Variants in PRDM16 observed in about 807,000 individuals in gnomAD.
The protein encoded by PRDM16 is histone-lysine N-methyltransferase PRDM16.
Under a neutral mutation model 110.6 loss-of-function variants are expected in PRDM16, and 23 were observed. The observed-to-expected ratio is 0.21, with a 90% CI of 0.15 to 0.29. PRDM16 has a LOEUF of 0.29. Ranked by LOEUF, PRDM16 falls within the 10% of genes least tolerant of loss-of-function variation. The pLI is 1.00. For missense variants in PRDM16, 1,615 were observed against 1,794.3 expected (o/e 0.90, Z 1.81); for synonymous variants, 799 against 781.8 (o/e 1.02, Z -0.37).
At chr1:3,149,243 G>A (rs780253287) in intron 1 of PRDM16, among the ~76,000 whole-genome samples, 1 of 152,164 alleles carries the variant, frequency 6.6e-6, no homozygotes, top group Non-Finnish European at 1.5e-5. Context: ...GGAGAACACG[G>A]GTGAGAATGA....
chr1:3,258,941 C>T (rs192654508), intron 3 of PRDM16, among the ~76,000 whole-genome samples: 1 of 152,294 alleles, frequency 6.6e-6, no homozygotes, highest in East Asian at 1.9e-4. Context: ...CTGGGCACCC[C>T]AGAGAGCTGC....
At chr1:3,174,474 G>A (rs1203626069) in intron 1 of PRDM16, among the ~76,000 whole-genome samples, 1 of 152,172 alleles carries the variant, frequency 6.6e-6, no homozygotes, top group Non-Finnish European at 1.5e-5. Flanking sequence ...CCCTGAGTCA[G>A]AAGGGCAGGG....
chr1:3,129,357 G>T (rs548660412), intron 1 of PRDM16, among the ~76,000 whole-genome samples: 1 of 141,652 alleles, frequency 7.1e-6, no homozygotes, highest in Admixed American at 6.9e-5. Context: ...GTGTGTGTGC[G>T]CACGTGGGTG....
intron 1 of PRDM16, among the ~76,000 whole-genome samples, chr1:3,076,029 C>T (rs1641890944): frequency 6.6e-6 from 1 of 152,200 alleles, no homozygotes; most frequent in Non-Finnish European, 1.5e-5. Context: ...TGTGCAGAAC[C>T]AGGAGCAGCC....
intron 1 of PRDM16, among the ~76,000 whole-genome samples, chr1:3,139,466 C>T (rs555507572): frequency 4.6e-5 from 7 of 152,344 alleles, no homozygotes; most frequent in African/African-American, 9.6e-5. Flanking sequence ...GGAGAGCAGA[C>T]GACAGAGCTG....
chr1:3,104,787 CCA>C (rs1642613584), intron 1 of PRDM16, among the ~76,000 whole-genome samples: 1 of 152,146 alleles, frequency 6.6e-6, no homozygotes, highest in Non-Finnish European at 1.5e-5. Flanking sequence ...GCCACCCCGC[CCA>C]CAGACATGGA....
At chr1:3,137,119 A>G (rs1036725231) in intron 1 of PRDM16, among the ~76,000 whole-genome samples, 3 of 152,196 alleles carry the variant, frequency 2.0e-5, no homozygotes, top group African/African-American at 7.2e-5. Context: ...GTGGGAGTCC[A>G]GGCCCAGCCT....
intron 3 of PRDM16, among the ~76,000 whole-genome samples, chr1:3,319,407 C>T (rs951427705): frequency 1.7e-4 from 26 of 152,180 alleles, no homozygotes; most frequent in Admixed American, 1.6e-3. Context: ...CCACCATGAG[C>T]GGGTCAGTGT....
intron 3 of PRDM16, among the ~76,000 whole-genome samples, chr1:3,295,050 C>T (rs1018055580): frequency 1.3e-5 from 2 of 152,186 alleles, no homozygotes; most frequent in African/African-American, 2.4e-5. Context: ...GGGCTTTCTT[C>T]GAGGTGCTCT....
intron 3 of PRDM16, among the ~76,000 whole-genome samples, chr1:3,346,105 G>A (rs563248864): frequency 1.4e-4 from 21 of 152,382 alleles, no homozygotes; most frequent in African/African-American, 2.2e-4. Flanking sequence ...GCAAGGCTGC[G>A]CTGAGCTGAG....
intron 1 of PRDM16, among the ~76,000 whole-genome samples, chr1:3,159,111 G>C (rs557727554): frequency 6.6e-5 from 10 of 152,188 alleles, no homozygotes; most frequent in Non-Finnish European, 1.3e-4. Flanking sequence ...GCCCCTGATC[G>C]GTATTCCGCC....
At chr1:3,408,747 T>C (rs1033328201) in intron 8 of PRDM16, among the ~76,000 whole-genome samples, 4 of 148,712 alleles carry the variant, frequency 2.7e-5, no homozygotes, top group Non-Finnish European at 4.5e-5. Flanking sequence ...AGCCGGTGCA[T>C]GTGTTGGCAC....
chr1:3,305,556 G>C (rs1641294428), intron 3 of PRDM16, among the ~76,000 whole-genome samples: 1 of 152,232 alleles, frequency 6.6e-6, no homozygotes, highest in Non-Finnish European at 1.5e-5. Context: ...TAATGATGTT[G>C]GCTGAAACTT....
chr1:3,233,384 G>A (rs561974356), intron 2 of PRDM16, among the ~76,000 whole-genome samples: 3 of 152,358 alleles, frequency 2.0e-5, no homozygotes, highest in South Asian at 4.1e-4. Context: ...TTTGGTGTTG[G>A]TTTAAGTGAT....
intron 3 of PRDM16, among the ~76,000 whole-genome samples, chr1:3,266,913 G>A (rs576158634): frequency 8.5e-4 from 130 of 152,254 alleles, no homozygotes; most frequent in African/African-American, 2.7e-3. Flanking sequence ...CCTGACCTCA[G>A]GTGATCCATC....
In PRDM16 at chr1:3,243,378, CA is replaced by C. The variant is rs57900782; in HGVS notation, c.388-698del. Among the ~76,000 whole-genome samples the C allele has an allele frequency of 1, 148,640 of 149,318 alleles. 73,983 individuals are homozygous for C. The highest frequency in any genetic ancestry group is 1 in the Middle Eastern group (288 of 288). The stretch of plus-strand genomic sequence containing the variant: ...TAAAACACTCCCACCTCTGATTTGC[CA>C]AAAAAAAAAAGAGGAAGCAGAGAAA... On this transcript the variant is annotated intron_variant, in intron 2 of 16. Coordinates refer to ENST00000270722, the MANE Select transcript of PRDM16 (RefSeq NM_022114.4). This position sits in a 1 kb window ranked among gnomAD's most constrained non-coding sequence, Gnocchi z 5.5.
At chr1:3,264,062 G>C (rs913147510) in intron 3 of PRDM16, among the ~76,000 whole-genome samples, 1 of 152,184 alleles carries the variant, frequency 6.6e-6, no homozygotes, top group Admixed American at 6.5e-5. Context: ...AGGGAGCATA[G>C]GTTTCCAAGG....
chr1:3,150,493 G>T (rs1643755009), intron 1 of PRDM16, among the ~76,000 whole-genome samples: 1 of 152,158 alleles, frequency 6.6e-6, no homozygotes, highest in African/African-American at 2.4e-5. Flanking sequence ...AGGAGGCGGA[G>T]ATTGCAGTGA....
rs1196925767 is a variant in PRDM16, at chr1:3,437,300, G to C, written c.*3489G>C. The C allele has an allele frequency of 4.3e-6, 1 of 232,792 alleles. No individual in the cohort carries two copies. Among genetic ancestry groups the C allele is most frequent in the Non-Finnish European group, 8.5e-6 (1 of 117,838 alleles). The allele number at this position is 232,792 out of a possible 1,614,324, so 14.4% of individuals were successfully genotyped here. A position where few individuals can be genotyped will look rare whatever the true frequency, so the allele number is the denominator to read the frequency against. On this transcript the variant is annotated 3_prime_UTR_variant, in exon 17 of 17. Transcript: ENST00000270722. ...AGCCCTGGAAATTCCAAGGGCCCTGGCGTCCTCTGCCTTCCCCGCTTCCCC... is the reference window on the plus strand; with the variant it reads ...AGCCCTGGAAATTCCAAGGGCCCTGCCGTCCTCTGCCTTCCCCGCTTCCCC...
Sources: allele counts gnomAD v4.1 joint callset (sites outside exome capture counted in the v4.1 genomes callset), GRCh38; gene constraint gnomAD v4.1.1; non-coding constraint Gnocchi (gnomAD v3.1); transcripts MANE v1.5; gene names NCBI Gene and HGNC (gene_info 2026-07-23, HGNC 2026-07-21).